The following TMEM108 variants were observed in gnomAD, a reference collection of about 807,000 sequenced individuals.
TMEM108 encodes cancer/testis antigen 124.
In TMEM108, 12 loss-of-function variants were observed where a neutral mutation model predicts 35.1. The observed-to-expected ratio is 0.34, with a 90% CI of 0.22 to 0.55. TMEM108 has a LOEUF of 0.55. TMEM108 is among the 20% of genes least tolerant of loss of function. The pLI, the probability that TMEM108 is intolerant of heterozygous loss-of-function variation, is 0.89. For synonymous variants in TMEM108, 287 were observed against 308.6 expected (o/e 0.93, Z 0.73); for missense variants, 680 against 753.3 (o/e 0.90, Z 1.14).
chr3:133,309,863 G>C (rs1046804755), intron 3 of TMEM108, among the ~76,000 whole-genome samples: 1 of 151,806 alleles, frequency 6.6e-6, no homozygotes, highest in Non-Finnish European at 1.5e-5. Flanking sequence ...GCTACGCCCG[G>C]CTAATTTTTT....
chr3:133,318,400 A>G (rs941560222), intron 3 of TMEM108, among the ~76,000 whole-genome samples: 1 of 152,198 alleles, frequency 6.6e-6, no homozygotes, highest in African/African-American at 2.4e-5. Context: ...TAGAATTACC[A>G]TCTGTTAGGC....
intron 3 of TMEM108, among the ~76,000 whole-genome samples, chr3:133,332,987 A>G (rs1315812876): frequency 1.3e-5 from 2 of 152,160 alleles, no homozygotes; most frequent in African/African-American, 2.4e-5. Context: ...CTGCGGCCAG[A>G]GTGGAATGGC....
chr3:133,371,613 C>CAAAAAAAAAAAAAAAAAAAAAAAAA (rs3054624), intron 3 of TMEM108, among the ~76,000 whole-genome samples: 14 of 78,096 alleles, frequency 1.8e-4, no homozygotes, highest in African/African-American at 7.7e-4. Flanking sequence ...CACAAACCCA[C>CAAAAAAAAAAAAAAAAAAAAAAAAA]AAAAAAAAAA....
chr3:133,074,245 T>C (rs1047512442), intron 2 of TMEM108: 4 of 152,200 alleles, frequency 2.6e-5, no homozygotes, highest in African/African-American at 9.6e-5. Context: ...AATATTTATT[T>C]CCTTTTATCT....
At chr3:133,170,888 C>G (rs1450239500) in intron 2 of TMEM108, among the ~76,000 whole-genome samples, 1 of 152,102 alleles carries the variant, frequency 6.6e-6, no homozygotes, top group Non-Finnish European at 1.5e-5. Flanking sequence ...GATTTGCCTA[C>G]CCCTAGAGAA....
intron 2 of TMEM108, among the ~76,000 whole-genome samples, chr3:133,082,917 G>T (rs1943831299): frequency 6.6e-6 from 1 of 152,136 alleles, no homozygotes; most frequent in African/African-American, 2.4e-5. Context: ...GCCTCCAAAA[G>T]TGCTGGGATT....
intron 3 of TMEM108, among the ~76,000 whole-genome samples, chr3:133,306,978 A>G (rs969788803): frequency 6.6e-6 from 1 of 152,064 alleles, no homozygotes; most frequent in African/African-American, 2.4e-5. Flanking sequence ...ACTAATTTAC[A>G]CTCCCACCAA....
Position 133,249,736 on chromosome 3 carries a change from G to A in TMEM108, c.40+20385G>A, listed in dbSNP as rs562159099. 2.8e-4 allele frequency among the ~76,000 whole-genome samples: 42 copies of A among 152,062 alleles called. No individual in the cohort carries two copies. The South Asian group carries it at 6.5e-3, about 23-fold the overall frequency. On this transcript the variant is annotated intron_variant, in intron 3 of 5. Coordinates refer to ENST00000321871, the MANE Select transcript of TMEM108 (RefSeq NM_023943.4). The stretch of plus-strand genomic sequence containing the variant: ...TGATAGGTACCTCAGTTGATTCCAC[G>A]TCTTTGTTATGGTGAATAGTGCTGA...
intron 3 of TMEM108, among the ~76,000 whole-genome samples, chr3:133,332,115 CTT>C (rs1696810612): frequency 6.7e-6 from 1 of 149,498 alleles, no homozygotes; most frequent in African/African-American, 2.5e-5. Context: ...CACACACACA[CTT>C]ACCTAGACAC....
At chr3:133,057,544 G>A (rs553190602) in intron 2 of TMEM108, among the ~76,000 whole-genome samples, 6 of 147,322 alleles carry the variant, frequency 4.1e-5, no homozygotes, top group Non-Finnish European at 8.9e-5. Context: ...TTGGTGAGAA[G>A]ACACAAGTAT....
chr3:133,077,251 G>A (rs1391413509), intron 2 of TMEM108, among the ~76,000 whole-genome samples: 1 of 150,836 alleles, frequency 6.6e-6, no homozygotes. Flanking sequence ...CTAAAGTCTT[G>A]GGCTTTATTT....
chr3:133,240,749 CAGGTG>C (rs1452667877), intron 3 of TMEM108, among the ~76,000 whole-genome samples: 1 of 152,216 alleles, frequency 6.6e-6, no homozygotes, highest in African/African-American at 2.4e-5. Flanking sequence ...CTACAATGCA[CAGGTG>C]ACCAGTATAT....
intron 2 of TMEM108, among the ~76,000 whole-genome samples, chr3:133,083,603 GGT>G (rs1280113766): frequency 6.6e-6 from 1 of 152,062 alleles, no homozygotes; most frequent in Non-Finnish European, 1.5e-5. Flanking sequence ...TTCATTTTGT[GGT>G]GTCACATTCA....
At position 133,210,036 on chromosome 3, in the gene TMEM108, T is replaced by C. The variant is rs1028697113; in HGVS notation, c.-46-19230T>C. Among the ~76,000 whole-genome samples, 7 of 152,318 alleles carry C rather than the reference T, an allele frequency of 4.6e-5. 1 individual carries two copies. The South Asian group carries it at 1.4e-3, about 32-fold the overall frequency. ...TAAAACTTGAATTGCATGAAAGGCATTGGATCCAAATGTTTAAGAAACACT... is the reference window on the plus strand; with the variant it reads ...TAAAACTTGAATTGCATGAAAGGCACTGGATCCAAATGTTTAAGAAACACT... On this transcript the variant is annotated intron_variant, in intron 2 of 5. Transcript: ENST00000321871.
chr3:133,180,051 C>T (rs748041467), intron 2 of TMEM108, among the ~76,000 whole-genome samples: 1 of 151,996 alleles, frequency 6.6e-6, no homozygotes, highest in Non-Finnish European at 1.5e-5. Flanking sequence ...TCATAAGACT[C>T]CCTTGGATTA....
chr3:133,197,977 C>A (rs1017937722), intron 2 of TMEM108, among the ~76,000 whole-genome samples: 4 of 152,176 alleles, frequency 2.6e-5, no homozygotes, highest in Non-Finnish European at 5.9e-5. Flanking sequence ...CCTTCTCTTT[C>A]ATCTTTCTAA....
At chr3:133,040,331 G>C (rs1038608547) in intron 1 of TMEM108, among the ~76,000 whole-genome samples, 3 of 151,418 alleles carry the variant, frequency 2.0e-5, no homozygotes, top group Non-Finnish European at 4.4e-5. Context: ...AGCCTCCCGA[G>C]TAGCTGGGAT....
chr3:133,224,859 G>GACATTCAT (rs1946045495), intron 2 of TMEM108, among the ~76,000 whole-genome samples: 1 of 151,880 alleles, frequency 6.6e-6, no homozygotes, highest in Non-Finnish European at 1.5e-5. Context: ...TAACATTCAT[G>GACATTCAT]GGGCATCTCC....
At chr3:133,150,925 C>A (rs994345020) in intron 2 of TMEM108, among the ~76,000 whole-genome samples, 6 of 152,106 alleles carry the variant, frequency 3.9e-5, no homozygotes, top group Admixed American at 1.3e-4. Flanking sequence ...TACAACATTT[C>A]CTGGTCAGTC....
Sources: gnomAD v4.1 joint callset for allele counts (sites outside exome capture counted in the v4.1 genomes callset) on GRCh38, gnomAD v4.1.1 for gene constraint, MANE v1.5 for transcripts, NCBI Gene and HGNC (gene_info 2026-07-23, HGNC 2026-07-21) for gene names.